VCL: variants seen among roughly 807,000 people sequenced by gnomAD.
VCL encodes vinculin.
Under a neutral mutation model 125.7 loss-of-function variants are expected in VCL, and 47 were observed. The ratio of observed to expected loss-of-function variants is 0.37; its 90% CI spans 0.30 to 0.48. The LOEUF (loss-of-function observed/expected upper bound fraction) is 0.48. VCL is among the 20% of genes least tolerant of loss of function. VCL has a pLI of 0.99. For synonymous variants in VCL, 458 were observed against 514.6 expected (o/e 0.89, Z 1.49); for missense variants, 1,069 against 1,455.5 (o/e 0.73, Z 4.32).
rs930579209 is a variant in VCL, at chr10:74,119,566, T to C, written c.*1397T>C. 8 of 152,340 alleles carry C rather than the reference T, an allele frequency of 5.3e-5. No homozygotes were observed. The highest frequency in any genetic ancestry group is 1.3e-4 in the Admixed American group (2 of 15,308). The allele number at this position is 152,340 out of a possible 1,614,324, so 9.4% of individuals were successfully genotyped here. A position where few individuals can be genotyped will look rare whatever the true frequency, so the allele number is the denominator to read the frequency against. ...GGCAGTGTTTCCTTTTTGGTACTTA[T>C]TACTGCTAAGTATTTCCCAGCACAT... On this transcript the variant is annotated 3_prime_UTR_variant, in exon 22 of 22. Transcript: ENST00000211998.
rs2136273114 is a variant in VCL, at chr10:74,071,340, G to A, written c.499+257G>A. ...CAAATACTGCTATTGGAGAATGTAG[G>A]AAATACTTTTCTGTTACTGTAATGC... On this transcript the variant is annotated intron_variant, in intron 4 of 21. Transcript: ENST00000211998. The surrounding 1 kb of genome is among the most constrained non-coding windows in gnomAD (Gnocchi z 4.1). Among the ~76,000 whole-genome samples, 1 of 152,306 alleles carries A rather than the reference G, an allele frequency of 6.6e-6. No homozygotes were observed. The highest frequency in any genetic ancestry group is 2.1e-4 in the South Asian group (1 of 4,824).
chr10:74,072,907 A>G, intron 5 of VCL, 55 bp downstream of exon 5: 1 of 1,611,010 alleles, frequency 6.2e-7, no homozygotes, highest in Non-Finnish European at 8.5e-7. Flanking sequence ...GCATGTTCTA[A>G]ACTCTGAGGT....
At chr10:74,115,617 G>A (rs1461292828) in intron 21 of VCL, among the ~76,000 whole-genome samples, 1 of 152,106 alleles carries the variant, frequency 6.6e-6, no homozygotes, top group East Asian at 1.9e-4. Flanking sequence ...CTCACTGTAT[G>A]TTTCTGGCTG....
rs139075313 is a variant in VCL at position 74,099,903 on chromosome 10, A to G, written c.1873-1045A>G. ...GCTGGCGTGGGGAAGAGACTTGAGA[A>G]GATAGACACAGAACACTGGCAATGA... On this transcript the variant is annotated intron_variant, in intron 13 of 21. Transcript: ENST00000211998. 3.2e-4 allele frequency among the ~76,000 whole-genome samples: 48 copies of G among 152,296 alleles called. No individual in the cohort carries two copies. In the East Asian group the frequency reaches 9.1e-3, roughly 29 times the overall value.
intron 2 of VCL, among the ~76,000 whole-genome samples, chr10:74,067,594 A>G (rs1841592916): frequency 6.6e-6 from 1 of 152,236 alleles, no homozygotes; most frequent in South Asian, 2.1e-4. Flanking sequence ...AGACAGCTCA[A>G]ATGTTCATAA....
chr10:74,074,987 T>C, intron 6 of VCL, 84 bp downstream of exon 6: 2 of 1,560,550 alleles, frequency 1.3e-6, no homozygotes, highest in Non-Finnish European at 1.8e-6. Flanking sequence ...TCATACTTTA[T>C]CTTGTAATTT....
rs1410897483 is a variant in VCL, at chr10:74,072,808, A to G, written c.578A>G (p.Asn193Ser). The change falls in exon 5 of 22, where the codon AAC becomes AGC. Residue 193 changes from asparagine to serine, a missense_variant. This residue lies in a region of VCL where 760 missense variants were observed against 928.9 expected (regional missense o/e 0.82). Transcript: ENST00000211998. ...THQEHRVMLVNSMNTVKELLP... is the reference protein window; with the variant it reads ...THQEHRVMLVSSMNTVKELLP... ...CAGGAGCACCGAGTGATGTTGGTGA[A>G]CTCGATGAACACCGTGAAAGAGTTG... 3 of 1,614,178 alleles carry G rather than the reference A, an allele frequency of 1.9e-6. No homozygotes were observed. The highest frequency in any genetic ancestry group is 2.5e-6 in the Non-Finnish European group (3 of 1,180,020).
intron 1 of VCL, among the ~76,000 whole-genome samples, chr10:74,035,525 A>C (rs1840957811): frequency 6.6e-6 from 1 of 152,216 alleles, no homozygotes; most frequent in Admixed American, 6.5e-5. Context: ...ATTTCAGTTT[A>C]TATCTAAAGA....
chr10:74,034,566 C>T (rs571447949), intron 1 of VCL, among the ~76,000 whole-genome samples: 1 of 152,220 alleles, frequency 6.6e-6, no homozygotes, highest in Non-Finnish European at 1.5e-5. Context: ...TTTGTTTAAG[C>T]ATTTGTCAAC....
intron 2 of VCL, among the ~76,000 whole-genome samples, chr10:74,062,894 G>A (rs979547129): frequency 2.6e-5 from 4 of 151,698 alleles, no homozygotes; most frequent in African/African-American, 9.7e-5. Flanking sequence ...ATGATACCCC[G>A]TCGCTACTAA....
At chr10:74,116,141 T>C (rs1324183317) in intron 21 of VCL, among the ~76,000 whole-genome samples, 1 of 152,172 alleles carries the variant, frequency 6.6e-6, no homozygotes, top group Non-Finnish European at 1.5e-5. Flanking sequence ...AACTCAAAAA[T>C]AGTCTGAAAG....
At position 74,063,111 on chromosome 10, in the gene VCL, C is replaced by T. The variant is rs149487762; in HGVS notation, c.240-7559C>T. 6.1e-3 allele frequency among the ~76,000 whole-genome samples: 929 copies of T among 152,230 alleles called. 11 individuals carry two copies. Among genetic ancestry groups the T allele is most frequent in the African/African-American group, 0.021 (880 of 41,532 alleles). ...GTCTCCCTGAGTTGCCCAGGCTGGT[C>T]TTGAACTCCTGGCCTCAAGCAGTCC... On this transcript the variant is annotated intron_variant, in intron 2 of 21. Coordinates refer to ENST00000211998, the MANE Select transcript of VCL (RefSeq NM_014000.3).
chr10:74,111,508 C>T (rs985961698), intron 18 of VCL, among the ~76,000 whole-genome samples: 3 of 152,148 alleles, frequency 2.0e-5, no homozygotes, highest in African/African-American at 2.4e-5. Context: ...TTTTTCTCTC[C>T]GGATTCCTTT....
chr10:74,072,037 G>A (rs1190122030), intron 4 of VCL, among the ~76,000 whole-genome samples: 3 of 152,174 alleles, frequency 2.0e-5, no homozygotes, highest in Non-Finnish European at 2.9e-5. Flanking sequence ...CTTTGGTCTT[G>A]ATGGTCTGTG....
intron 6 of VCL, among the ~76,000 whole-genome samples, chr10:74,078,128 G>T (rs1839620821): frequency 6.6e-6 from 1 of 151,958 alleles, no homozygotes; most frequent in African/African-American, 2.4e-5. Context: ...GAGGAAGTGA[G>T]ATAAAAAATT....
Position 74,117,941 on chromosome 10 carries a change from T to C in VCL, c.3259-82T>C. 2.5e-6 allele frequency: 4 copies of C among 1,584,018 alleles called. No individual in the cohort carries two copies. The South Asian group carries it at 4.4e-5, about 18-fold the overall frequency. On this transcript the variant is annotated intron_variant, in intron 21 of 21. Transcript: ENST00000211998. Reference sequence around the variant, plus strand: ...CCAGGTACCAGTGGGGTTAGCTGCATCCCACTCCTGGCTGAAACCTATTTT... The same window carrying C: ...CCAGGTACCAGTGGGGTTAGCTGCACCCCACTCCTGGCTGAAACCTATTTT...
intron 19 of VCL, among the ~76,000 whole-genome samples, chr10:74,113,961 CTT>C (rs915620662): frequency 5.9e-5 from 9 of 152,070 alleles, no homozygotes; most frequent in Admixed American, 2.0e-4. Flanking sequence ...TCTCCTCTCT[CTT>C]TGTTTCTCAC....
At chr10:74,053,777 A>C (rs530235863) in intron 2 of VCL, among the ~76,000 whole-genome samples, 7 of 151,884 alleles carry the variant, frequency 4.6e-5, no homozygotes, top group Non-Finnish European at 8.8e-5. Context: ...TGCCTGGCTA[A>C]TTTTTATATT....
At chr10:74,042,888 A>T (rs1421174235) in intron 1 of VCL, among the ~76,000 whole-genome samples, 195 bp from the exon 2 acceptor site, 1 of 152,192 alleles carries the variant, frequency 6.6e-6, no homozygotes, top group Non-Finnish European at 1.5e-5. Context: ...TGTATTCCAT[A>T]TTGTTATTCT....
Sources: allele counts gnomAD v4.1 joint callset (sites outside exome capture counted in the v4.1 genomes callset), GRCh38; gene constraint gnomAD v4.1.1; regional missense constraint gnomAD v4.1.1; non-coding constraint Gnocchi (gnomAD v3.1); transcripts MANE v1.5; gene names NCBI Gene and HGNC (gene_info 2026-07-23, HGNC 2026-07-21).